Variants in EPB41 observed in about 807,000 individuals in gnomAD.
The protein encoded by EPB41 is erythrocyte membrane protein band 4.1.
In EPB41, 65 loss-of-function variants were observed where a neutral mutation model predicts 108.0. The observed-to-expected ratio is 0.60, with a 90% CI of 0.49 to 0.74. EPB41 has a LOEUF of 0.74. Ranked by LOEUF, EPB41 falls within the 30% of genes least tolerant of loss-of-function variation. The probability of loss-of-function intolerance (pLI) is 0.00; values close to 1 mark genes in which losing one functional copy is unlikely to be tolerated. For missense variants in EPB41, 875 were observed against 1,037.0 expected, an observed-to-expected ratio of 0.84 and a Z score of 2.15; for synonymous variants, 336 against 358.9, an observed-to-expected ratio of 0.94 and a Z score of 0.72.
At chr1:28,930,980 T>C (rs1221771211) in intron 1 of EPB41, among the ~76,000 whole-genome samples, 1 of 152,118 alleles carries the variant, frequency 6.6e-6, no homozygotes, top group East Asian at 1.9e-4. Context: ...AATTATTCCA[T>C]CAGTATTCAG....
At chr1:28,930,150 C>CTT (rs772932485) in intron 1 of EPB41, among the ~76,000 whole-genome samples, 1,717 of 122,612 alleles carry the variant, frequency 0.014, 22 homozygotes, top group African/African-American at 0.02. Context: ...ATGTTGCTTC[C>CTT]TTTTTTTTTT....
intron 4 of EPB41, among the ~76,000 whole-genome samples, chr1:29,005,504 G>A (rs184022506): frequency 1.3e-5 from 2 of 152,248 alleles, no homozygotes; most frequent in African/African-American, 2.4e-5. Context: ...CTTCAGTAGC[G>A]TCATTCATCT....
intron 1 of EPB41, among the ~76,000 whole-genome samples, chr1:28,907,318 C>T (rs934265076): frequency 6.6e-5 from 10 of 152,016 alleles, no homozygotes; most frequent in Non-Finnish European, 1.3e-4. Flanking sequence ...CCACCTGCCT[C>T]GGCCTCCCAA....
At chr1:28,931,615 G>A (rs1246437103) in intron 1 of EPB41, among the ~76,000 whole-genome samples, 1 of 149,950 alleles carries the variant, frequency 6.7e-6, no homozygotes, top group East Asian at 2.0e-4. Flanking sequence ...TGCAACCTCC[G>A]CCTCCCGGGT....
At chr1:28,969,213 T>C (rs1159602673) in intron 1 of EPB41, among the ~76,000 whole-genome samples, 3 of 151,370 alleles carry the variant, frequency 2.0e-5, no homozygotes, top group Non-Finnish European at 4.4e-5. Flanking sequence ...GTCTCTCCAG[T>C]AGCTGGGATT....
intron 1 of EPB41, among the ~76,000 whole-genome samples, chr1:28,918,699 C>T (rs1226473010): frequency 6.6e-6 from 1 of 152,086 alleles, no homozygotes; most frequent in Admixed American, 6.5e-5. Flanking sequence ...ATCACTTGAG[C>T]CTTTGAGTTT....
At chr1:29,041,647 CAA>C (rs1390667024) in intron 11 of EPB41, among the ~76,000 whole-genome samples, 3 of 132,444 alleles carry the variant, frequency 2.3e-5, no homozygotes, top group Admixed American at 7.6e-5. Flanking sequence ...GACGCCGTCT[CAA>C]AAAAAAAAAA....
chr1:29,038,038 A>C (rs1466196046), intron 10 of EPB41, among the ~76,000 whole-genome samples: 1 of 152,224 alleles, frequency 6.6e-6, no homozygotes, highest in Non-Finnish European at 1.5e-5. Flanking sequence ...CATTTCATTC[A>C]TAAATAAACT....
chr1:29,117,258 C>T lies in EPB41; in HGVS notation c.*446C>T, dbSNP rs1350965605. ...CTTCCGCGTCTCTCCCTAGTCTTAT[C>T]CCCTTTGGATGATGGCAGAAACTTC... On this transcript the variant is annotated 3_prime_UTR_variant, in exon 21 of 21. Transcript: ENST00000343067. The T allele has an allele frequency of 6.5e-6, 1 of 152,680 alleles. No individual in the cohort carries two copies. 9.5% of individuals were successfully genotyped at this position (152,680 alleles called of 1,614,324 possible).
intron 7 of EPB41, among the ~76,000 whole-genome samples, chr1:29,024,832 A>G (rs1027409132): frequency 3.9e-5 from 6 of 152,016 alleles, no homozygotes; most frequent in Non-Finnish European, 5.9e-5. Context: ...TGTGGTAGAA[A>G]TTGAGCAATA....
intron 16 of EPB41, chr1:29,072,377 A>C (rs1319655370): frequency 1.3e-5 from 2 of 152,164 alleles, no homozygotes; most frequent in Non-Finnish European, 2.9e-5. Flanking sequence ...GATTATTTTA[A>C]ATCTTTTTTT....
chr1:29,057,403 GAAAT>G (rs1269489662), intron 12 of EPB41, among the ~76,000 whole-genome samples: 4 of 127,704 alleles, frequency 3.1e-5, no homozygotes, highest in African/African-American at 1.1e-4. Flanking sequence ...AAAAGAAAAA[GAAAT>G]AACCCCAAAC....
At chr1:29,015,879 A>C in intron 6 of EPB41, 112 bp downstream of exon 6, 1 of 740,256 alleles carries the variant, frequency 1.4e-6, no homozygotes, top group Non-Finnish European at 2.3e-6. Context: ...CTGAAGAAAA[A>C]TAATGATATT....
At chr1:29,005,563 C>T (rs115369263) in intron 4 of EPB41, among the ~76,000 whole-genome samples, 1 of 152,280 alleles carries the variant, frequency 6.6e-6, no homozygotes, top group Non-Finnish European at 1.5e-5. Context: ...ATAGTATCTG[C>T]CTTGTGCTGG....
At chr1:29,099,845 C>T (rs1231241389) in intron 17 of EPB41, among the ~76,000 whole-genome samples, 2 of 152,208 alleles carry the variant, frequency 1.3e-5, no homozygotes, top group East Asian at 1.9e-4. Flanking sequence ...CTGGAACTTA[C>T]ATTCTAGTTA....
chr1:29,035,822 G>A lies in EPB41; in HGVS notation c.1366-4G>A, dbSNP rs1364463598. ...ATGTCCCATGTTTATTTGTGTTTTT[G>A]TAGCAAGAGCAGTATGAAAGTACCA... On this transcript the variant is annotated splice_region_variant and splice_polypyrimidine_tract_variant and intron_variant, in intron 9 of 20. Coordinates refer to ENST00000343067, the MANE Select transcript of EPB41 (RefSeq NM_001376013.1). 13 of 1,610,056 alleles carry A rather than the reference G, an allele frequency of 8.1e-6. No homozygotes were observed. The highest frequency in any genetic ancestry group is 1.3e-5 in the African/African-American group (1 of 74,814).
intron 1 of EPB41, among the ~76,000 whole-genome samples, chr1:28,926,476 C>CGACTG (rs2093454123): frequency 1.3e-5 from 2 of 152,158 alleles, no homozygotes; most frequent in Non-Finnish European, 2.9e-5. Context: ...AGCGAAAATT[C>CGACTG]GCTTCAAAGC....
At chr1:28,900,309 A>G (rs1221689485) in intron 1 of EPB41, among the ~76,000 whole-genome samples, 1 of 142,276 alleles carries the variant, frequency 7.0e-6, no homozygotes, top group Admixed American at 7.3e-5. Flanking sequence ...TTTTTTTGAG[A>G]TGGAGTCTCC....
At position 29,117,452 on chromosome 1, in the gene EPB41, C is replaced by G. The variant is rs771705788; in HGVS notation, c.*640C>G. 3 of 152,812 alleles carry G rather than the reference C, an allele frequency of 2.0e-5. No individual in the cohort carries two copies. Among genetic ancestry groups the G allele is most frequent in the African/African-American group, 7.2e-5 (3 of 41,588 alleles). 9.5% of individuals were successfully genotyped at this position (152,812 alleles called of 1,614,324 possible). On this transcript the variant is annotated 3_prime_UTR_variant, in exon 21 of 21. Coordinates refer to ENST00000343067, the MANE Select transcript of EPB41 (RefSeq NM_001376013.1). ...ATGTAGTATTGTTTTTCCCCTCTCC[C>G]TCCTGCTTTCTTTTTGGAGCTTCTT...
Sources: gnomAD v4.1 joint callset for allele counts (sites outside exome capture counted in the v4.1 genomes callset) on GRCh38, gnomAD v4.1.1 for gene constraint, MANE v1.5 for transcripts, NCBI Gene and HGNC (gene_info 2026-07-23, HGNC 2026-07-21) for gene names.